The following INSM1 variants were observed in gnomAD, a reference collection of about 807,000 sequenced individuals.
INSM1 encodes the protein INSM transcriptional repressor 1.
In INSM1, 11 loss-of-function variants were observed where a neutral mutation model predicts 21.1. That is an observed-to-expected ratio of 0.52 (90% confidence interval 0.33 to 0.86). The LOEUF is 0.86. INSM1 is among the 40% of genes least tolerant of loss of function. The pLI, the probability that INSM1 is intolerant of heterozygous loss-of-function variation, is 0.03. For missense variants in INSM1, 843 were observed against 760.1 expected (o/e 1.11, Z -1.28); for synonymous variants, 473 against 386.1 (o/e 1.23, Z -2.64).
In INSM1 at chr20:20,369,648, C is replaced by T. The variant is rs1004580925; in HGVS notation, c.1381C>T (p.Arg461Cys). Reference sequence around the variant, plus strand: ...CAAGGGCGCTCAGGAGCGCCACCTGCGCCTGCTGCACGCCGCCCAGGTGTT... The same window carrying T: ...CAAGGGCGCTCAGGAGCGCCACCTGTGCCTGCTGCACGCCGCCCAGGTGTT... Reference protein sequence around the residue: ...ASKGAQERHLRLLHAAQVFPC... With the variant: ...ASKGAQERHLCLLHAAQVFPC... Residue 461 changes from arginine to cysteine, a missense_variant, in exon 1 of 1, where the codon CGC (arginine) becomes TGC (cysteine). Coordinates refer to ENST00000310227, the MANE Select transcript of INSM1 (RefSeq NM_002196.3). The surrounding 1 kb of genome is among the most constrained non-coding windows in gnomAD (Gnocchi z 5.6). 1.0e-5 allele frequency: 16 copies of T among 1,600,606 alleles called. No individual in the cohort carries two copies. Among genetic ancestry groups the T allele is most frequent in the Non-Finnish European group, 1.4e-5 (16 of 1,179,776 alleles).
Position 20,368,371 on chromosome 20 carries a change from G to T in INSM1, c.104G>T (p.Ser35Ile). The part of the protein sequence containing the change: ...DGDRALLLSP[S>I]CGGARAEPPA... ...GACCGCGCACTGCTGCTCTCGCCCA[G>T]CTGCGGGGGCGCCCGCGCCGAGCCC... is the stretch of plus-strand genomic sequence containing the variant. Residue 35 changes from serine (S) to isoleucine (I), a missense_variant, in exon 1 of 1, where the codon AGC (serine) becomes ATC (isoleucine). By Grantham distance (142) the Ser-to-Ile change is moderately radical. Transcript: ENST00000310227. This position sits in a 1 kb window ranked among gnomAD's most constrained non-coding sequence, Gnocchi z 4.3. The T allele has an allele frequency of 9.1e-7, 1 of 1,104,354 alleles. No homozygotes were observed. The highest frequency in any genetic ancestry group is 2.7e-5 in the South Asian group (1 of 37,640). The allele number at this position is 1,104,354 out of a possible 1,614,324, so 68.4% of individuals were successfully genotyped here.
Position 20,369,664 on chromosome 20 carries a change from C to T in INSM1, c.1397C>T (p.Ala466Val), listed in dbSNP as rs775159800. The change falls in exon 1 of 1, where the codon GCC (alanine) becomes GTC (valine). Residue 466 changes from alanine to valine, a missense_variant. By Grantham distance (64) the Ala-to-Val change is moderately conservative (BLOSUM62 0). Coordinates refer to ENST00000310227, the MANE Select transcript of INSM1 (RefSeq NM_002196.3). The surrounding 1 kb of genome is among the most constrained non-coding windows in gnomAD (Gnocchi z 5.6). ...CGCCACCTGCGCCTGCTGCACGCCG[C>T]CCAGGTGTTCCCCTGCAAGTACTGC... ...QERHLRLLHAAQVFPCKYCPA... is the reference protein window; with the variant it reads ...QERHLRLLHAVQVFPCKYCPA... 6.2e-7 allele frequency: 1 copy of T among 1,600,628 alleles called. No individual in the cohort carries two copies. Among genetic ancestry groups the T allele is most frequent in the East Asian group, 2.2e-5 (1 of 44,828 alleles).
rs765263425 is a variant in INSM1, at chr20:20,369,565, G to A, written c.1298G>A (p.Gly433Asp). Reference sequence around the variant, plus strand: ...GACGGCGAGGGGGCCGGCGTGCTGGGCCTGAGTGCGTCCGCCGAGTGCCAC... The same window carrying A: ...GACGGCGAGGGGGCCGGCGTGCTGGACCTGAGTGCGTCCGCCGAGTGCCAC... ...AGDGEGAGVLGLSASAECHLC... is the reference protein window; with the variant it reads ...AGDGEGAGVLDLSASAECHLC... The change falls in exon 1 of 1, where the codon GGC becomes GAC. Residue 433 changes from glycine (G) to aspartate (D), a missense_variant. Coordinates refer to ENST00000310227, the MANE Select transcript of INSM1 (RefSeq NM_002196.3). This position sits in a 1 kb window ranked among gnomAD's most constrained non-coding sequence, Gnocchi z 5.6. The A allele has an allele frequency of 1.0e-5, 16 of 1,594,628 alleles. No homozygotes were observed. The highest frequency in any genetic ancestry group is 1.4e-5 in the Non-Finnish European group (16 of 1,177,334).
Position 20,368,851 on chromosome 20 carries a change from TGCGGCCCCCGGGAAA to T in INSM1, c.595_609del (p.Gly199_Pro203del), listed in dbSNP as rs1051513228. On this transcript the variant is annotated inframe_deletion, in exon 1 of 1. Coordinates refer to ENST00000310227, the MANE Select transcript of INSM1 (RefSeq NM_002196.3). The surrounding 1 kb of genome is among the most constrained non-coding windows in gnomAD (Gnocchi z 4.3). ...CCCCCACTGCCCCCTGCCGCCGCCCTGCGGCCCCCGGGAAAGCGGCCCCCGCCCCCTACCGCCGCG... is the reference window on the plus strand; with the variant it reads ...CCCCCACTGCCCCCTGCCGCCGCCCTGCGGCCCCCGCCCCCTACCGCCGCG... The T allele has an allele frequency of 4.2e-5, 54 of 1,297,240 alleles. No homozygotes were observed. Among genetic ancestry groups the T allele is most frequent in the African/African-American group, 1.1e-4 (7 of 62,694 alleles). The allele number at this position is 1,297,240 out of a possible 1,614,324, so 80.4% of individuals were successfully genotyped here. A position where few individuals can be genotyped will look rare whatever the true frequency, so the allele number is the denominator to read the frequency against.
Position 20,368,398 on chromosome 20 carries a change from C to G in INSM1, c.131C>G (p.Pro44Arg), listed in dbSNP as rs1164336621. The change falls in exon 1 of 1, where the codon CCG becomes CGG. Residue 44 changes from proline to arginine, a missense_variant. Coordinates refer to ENST00000310227, the MANE Select transcript of INSM1 (RefSeq NM_002196.3). The surrounding 1 kb of genome is among the most constrained non-coding windows in gnomAD (Gnocchi z 4.3). Reference sequence around the variant, plus strand: ...TGCGGGGGCGCCCGCGCCGAGCCCCCGGCGCCGAGCCCGGTCCCCGGGCCG... The same window carrying G: ...TGCGGGGGCGCCCGCGCCGAGCCCCGGGCGCCGAGCCCGGTCCCCGGGCCG... ...PSCGGARAEP[P>R]APSPVPGPLP... 3.6e-5 allele frequency: 37 copies of G among 1,015,296 alleles called. No homozygotes were observed. The highest frequency in any genetic ancestry group is 4.1e-5 in the Non-Finnish European group (35 of 850,776). 62.9% of individuals were successfully genotyped at this position (1,015,296 alleles called of 1,614,324 possible).
In INSM1 at chr20:20,368,232, G is replaced by T. The variant is rs1455387586; in HGVS notation, c.-36G>T. On this transcript the variant is annotated 5_prime_UTR_variant, in exon 1 of 1. Coordinates refer to ENST00000310227, the MANE Select transcript of INSM1 (RefSeq NM_002196.3). This position sits in a 1 kb window ranked among gnomAD's most constrained non-coding sequence, Gnocchi z 4.3. The stretch of plus-strand genomic sequence containing the variant: ...CCGCCGGGGCCGAGCGCGGAGGGGG[G>T]ACCGAGCCAGTGCCGTGCCCTCGGG... 5 of 1,114,940 alleles carry T rather than the reference G, an allele frequency of 4.5e-6. No homozygotes were observed. The South Asian group carries it at 9.5e-5, about 21-fold the overall frequency. The allele number at this position is 1,114,940 out of a possible 1,614,324, so 69.1% of individuals were successfully genotyped here. A position where few individuals can be genotyped will look rare whatever the true frequency, so the allele number is the denominator to read the frequency against.
rs1366458687 is a variant in INSM1, at chr20:20,368,341, A to G, written c.74A>G (p.Asp25Gly). The G allele has an allele frequency of 3.9e-6, 5 of 1,268,068 alleles. No individual in the cohort carries two copies. In the South Asian group the frequency reaches 7.9e-5, roughly 20 times the overall value. 78.6% of individuals were successfully genotyped at this position (1,268,068 alleles called of 1,614,324 possible). The part of the protein sequence containing the change: ...PVSYRVRGGE[D>G]GDRALLLSPS... The stretch of plus-strand genomic sequence containing the variant: ...TCCTACCGGGTCCGCGGCGGCGAGG[A>G]CGGCGACCGCGCACTGCTGCTCTCG... The change falls in exon 1 of 1, where the codon GAC becomes GGC. Residue 25 changes from aspartate to glycine, a missense_variant. Asp to Gly is a moderately conservative substitution (Grantham distance 94). Coordinates refer to ENST00000310227, the MANE Select transcript of INSM1 (RefSeq NM_002196.3). The surrounding 1 kb of genome is among the most constrained non-coding windows in gnomAD (Gnocchi z 4.3).
At position 20,368,540 on chromosome 20, in the gene INSM1, C is replaced by G. The variant is rs774497518; in HGVS notation, c.273C>G (p.Pro91=). The change falls in exon 1 of 1, where the codon CCC becomes CCG. Residue 91 remains proline (P), a synonymous_variant. Coordinates refer to ENST00000310227, the MANE Select transcript of INSM1 (RefSeq NM_002196.3). This position sits in a 1 kb window ranked among gnomAD's most constrained non-coding sequence, Gnocchi z 4.3. ...QGPRAAHFGN[P]EAAHPAPLYS... ...CGCGGGCCGCGCACTTCGGCAACCC[C>G]GAGGCTGCGCACCCCGCGCCGCTCT... The G allele has an allele frequency of 3.7e-6, 5 of 1,363,878 alleles. No individual in the cohort carries two copies. In the South Asian group the frequency reaches 7.6e-5, roughly 21 times the overall value. The allele number at this position is 1,363,878 out of a possible 1,614,324, so 84.5% of individuals were successfully genotyped here.
chr20:20,368,684 A>AG lies in INSM1; in HGVS notation c.422dup (p.Gly142ArgfsTer197). ...TCCCCACGCCCGCCGCGCTGCTCGG[A>AG]GGGGGCGGCGGCGGCGGCGCGAGCG... On this transcript the variant is annotated frameshift_variant, in exon 1 of 1. Coordinates refer to ENST00000310227, the MANE Select transcript of INSM1 (RefSeq NM_002196.3). LOFTEE classifies it high-confidence loss of function. The surrounding 1 kb of genome is among the most constrained non-coding windows in gnomAD (Gnocchi z 4.3). 7.5e-7 allele frequency: 1 copy of AG among 1,340,522 alleles called. No homozygotes were observed. The highest frequency in any genetic ancestry group is 9.7e-7 in the Non-Finnish European group (1 of 1,030,388). 83.0% of individuals were successfully genotyped at this position (1,340,522 alleles called of 1,614,324 possible).
chr20:20,368,775 G>A lies in INSM1; in HGVS notation c.508G>A (p.Gly170Ser). 2 of 1,124,772 alleles carry A rather than the reference G, an allele frequency of 1.8e-6. No homozygotes were observed. Among genetic ancestry groups the A allele is most frequent in the Non-Finnish European group, 2.2e-6 (2 of 898,882 alleles). The allele number at this position is 1,124,772 out of a possible 1,614,324, so 69.7% of individuals were successfully genotyped here. The change falls in exon 1 of 1, where the codon GGC (glycine) becomes AGC (serine). Residue 170 changes from glycine (G) to serine (S), a missense_variant. Coordinates refer to ENST00000310227, the MANE Select transcript of INSM1 (RefSeq NM_002196.3). The surrounding 1 kb of genome is among the most constrained non-coding windows in gnomAD (Gnocchi z 4.3). Reference sequence around the variant, plus strand: ...CTTCGCGCCCGCCGAGCTCAAGATGGGCACGGCGTTCTCGGCTGGCGCCGA... The same window carrying A: ...CTTCGCGCCCGCCGAGCTCAAGATGAGCACGGCGTTCTCGGCTGGCGCCGA... ...LLFAPAELKM[G>S]TAFSAGAEAA...
In INSM1 at chr20:20,369,809, C is replaced by T; in HGVS notation, c.*9C>T. Reference sequence around the variant, plus strand: ...TGCGCCCGGCCTGCTAGAGCGCGCCCTCCACCCCGGCCCCCGAACTGTGCC... The same window carrying T: ...TGCGCCCGGCCTGCTAGAGCGCGCCTTCCACCCCGGCCCCCGAACTGTGCC... On this transcript the variant is annotated 3_prime_UTR_variant, in exon 1 of 1. Transcript: ENST00000310227. This position sits in a 1 kb window ranked among gnomAD's most constrained non-coding sequence, Gnocchi z 5.6. The T allele has an allele frequency of 2.5e-6, 4 of 1,578,630 alleles. No individual in the cohort carries two copies. Among genetic ancestry groups the T allele is most frequent in the Non-Finnish European group, 3.4e-6 (4 of 1,161,614 alleles).
In INSM1 at chr20:20,368,260, G is replaced by C. The variant is rs762328649; in HGVS notation, c.-8G>C. 3 of 1,244,196 alleles carry C rather than the reference G, an allele frequency of 2.4e-6. No homozygotes were observed. The highest frequency in any genetic ancestry group is 1.6e-5 in the African/African-American group (1 of 62,414). The allele number at this position is 1,244,196 out of a possible 1,614,324, so 77.1% of individuals were successfully genotyped here. A position where few individuals can be genotyped will look rare whatever the true frequency, so the allele number is the denominator to read the frequency against. On this transcript the variant is annotated 5_prime_UTR_variant, in exon 1 of 1. Transcript: ENST00000310227. The surrounding 1 kb of genome is among the most constrained non-coding windows in gnomAD (Gnocchi z 4.3). ...CGAGCCAGTGCCGTGCCCTCGGGCC[G>C]CGCCAACATGCCCCGCGGCTTCCTG...
chr20:20,368,687 G>GGGCGGC lies in INSM1; in HGVS notation c.431_436dup (p.Gly144_Gly145dup), dbSNP rs746414893. The GGGCGGC allele has an allele frequency of 2.3e-5, 30 of 1,310,554 alleles. No homozygotes were observed. The highest frequency in any genetic ancestry group is 2.1e-4 in the Middle Eastern group (1 of 4,840). 81.2% of individuals were successfully genotyped at this position (1,310,554 alleles called of 1,614,324 possible). ...CCACGCCCGCCGCGCTGCTCGGAGG[G>GGGCGGC]GGCGGCGGCGGCGGCGCGAGCGGAG... On this transcript the variant is annotated inframe_insertion, in exon 1 of 1. Coordinates refer to ENST00000310227, the MANE Select transcript of INSM1 (RefSeq NM_002196.3). The surrounding 1 kb of genome is among the most constrained non-coding windows in gnomAD (Gnocchi z 4.3).
chr20:20,368,425 T>TGCC lies in INSM1; in HGVS notation c.171_173dup (p.Pro58dup), dbSNP rs1333372238. ...GCGCCGAGCCCGGTCCCCGGGCCGC[T>TGCC]GCCGCCGCCGCCGCCCGCGGAGCGC... is the stretch of plus-strand genomic sequence containing the variant. On this transcript the variant is annotated inframe_insertion, in exon 1 of 1. Coordinates refer to ENST00000310227, the MANE Select transcript of INSM1 (RefSeq NM_002196.3). This position sits in a 1 kb window ranked among gnomAD's most constrained non-coding sequence, Gnocchi z 4.3. The TGCC allele has an allele frequency of 3.4e-4, 336 of 988,314 alleles. 3 individuals are homozygous for TGCC. The African/African-American group carries it at 4.7e-3, about 14-fold the overall frequency. 61.2% of individuals were successfully genotyped at this position (988,314 alleles called of 1,614,324 possible).
In INSM1 at chr20:20,369,504, G is replaced by A. The variant is rs778667570; in HGVS notation, c.1237G>A (p.Gly413Arg). Residue 413 changes from glycine to arginine, a missense_variant, in exon 1 of 1, where the codon GGG becomes AGG. Physicochemically the swap from Gly to Arg is moderately radical, Grantham distance 125. Coordinates refer to ENST00000310227, the MANE Select transcript of INSM1 (RefSeq NM_002196.3). This position sits in a 1 kb window ranked among gnomAD's most constrained non-coding sequence, Gnocchi z 5.6. ...PAEDLLALYP[G>R]PDEKAPQEAA... ...CGAGGACCTACTGGCCTTGTACCCC[G>A]GGCCCGACGAGAAGGCGCCCCAGGA... 2.6e-6 allele frequency: 4 copies of A among 1,545,068 alleles called. No individual in the cohort carries two copies. In the South Asian group the frequency reaches 4.7e-5, roughly 18 times the overall value.
chr20:20,368,850 C>T lies in INSM1; in HGVS notation c.583C>T (p.Leu195=), dbSNP rs1176577814. 1 of 1,323,724 alleles carries T rather than the reference C, an allele frequency of 7.6e-7. No homozygotes were observed. Among genetic ancestry groups the T allele is most frequent in the Admixed American group, 3.8e-5 (1 of 26,178 alleles). The allele number at this position is 1,323,724 out of a possible 1,614,324, so 82.0% of individuals were successfully genotyped here. ...PGPPLPPAAA[L]RPPGKRPPPP... ...CCCCCCACTGCCCCCTGCCGCCGCC[C>T]TGCGGCCCCCGGGAAAGCGGCCCCC... is the stretch of plus-strand genomic sequence containing the variant. Residue 195 remains leucine (L), a synonymous_variant, in exon 1 of 1, where the codon CTG becomes TTG. Transcript: ENST00000310227. This position sits in a 1 kb window ranked among gnomAD's most constrained non-coding sequence, Gnocchi z 4.3.
Position 20,369,529 on chromosome 20 carries a change from A to C in INSM1, c.1262A>C (p.Glu421Ala). The C allele has an allele frequency of 6.4e-7, 1 of 1,559,832 alleles. No individual in the cohort carries two copies. Among genetic ancestry groups the C allele is most frequent in the South Asian group, 1.2e-5 (1 of 86,152 alleles). Residue 421 changes from glutamate (E) to alanine (A), a missense_variant, in exon 1 of 1, where the codon GAG (glutamate) becomes GCG (alanine). Transcript: ENST00000310227. The surrounding 1 kb of genome is among the most constrained non-coding windows in gnomAD (Gnocchi z 5.6). Reference sequence around the variant, plus strand: ...GGGCCCGACGAGAAGGCGCCCCAGGAGGCGGCCGGCGACGGCGAGGGGGCC... The same window carrying C: ...GGGCCCGACGAGAAGGCGCCCCAGGCGGCGGCCGGCGACGGCGAGGGGGCC... ...YPGPDEKAPQ[E>A]AAGDGEGAGV... is the part of the protein sequence containing the mutation.
chr20:20,368,597 C>T lies in INSM1; in HGVS notation c.330C>T (p.His110=), dbSNP rs2059485366. ...YSPTRPVSRE[H]EKHKYFERSF... ...CCACGCGGCCCGTGAGCCGCGAGCA[C>T]GAGAAGCACAAGTACTTCGAACGCA... The change falls in exon 1 of 1, where the codon CAC becomes CAT. Residue 110 remains histidine, a synonymous_variant. Transcript: ENST00000310227. The surrounding 1 kb of genome is among the most constrained non-coding windows in gnomAD (Gnocchi z 4.3). 1.4e-6 allele frequency: 2 copies of T among 1,468,758 alleles called. No individual in the cohort carries two copies. The highest frequency in any genetic ancestry group is 2.5e-5 in the South Asian group (2 of 79,952). 91.0% of individuals were successfully genotyped at this position (1,468,758 alleles called of 1,614,324 possible). A position where few individuals can be genotyped will look rare whatever the true frequency, so the allele number is the denominator to read the frequency against.
rs981649540 is a variant in INSM1 at position 20,368,321 on chromosome 20, C to A, written c.54C>A (p.Tyr18Ter). The A allele has an allele frequency of 7.7e-7, 1 of 1,306,092 alleles. No homozygotes were observed. The highest frequency in any genetic ancestry group is 9.9e-7 in the Non-Finnish European group (1 of 1,010,654). 80.9% of individuals were successfully genotyped at this position (1,306,092 alleles called of 1,614,324 possible). A position where few individuals can be genotyped will look rare whatever the true frequency, so the allele number is the denominator to read the frequency against. Residue 18 changes from tyrosine (Y) to a stop codon, truncating the protein, a stop_gained, in exon 1 of 1, where the codon TAC (tyrosine) becomes TAA (stop). Coordinates refer to ENST00000310227, the MANE Select transcript of INSM1 (RefSeq NM_002196.3). LOFTEE classifies it low-confidence loss of function (END_TRUNC). This position sits in a 1 kb window ranked among gnomAD's most constrained non-coding sequence, Gnocchi z 4.3. ...KRSKKSTPVS[Y>*]RVRGGEDGDR... Reference sequence around the variant, plus strand: ...GCAAGAAGTCCACGCCCGTTTCCTACCGGGTCCGCGGCGGCGAGGACGGCG... The same window carrying A: ...GCAAGAAGTCCACGCCCGTTTCCTAACGGGTCCGCGGCGGCGAGGACGGCG...
Sources: gnomAD v4.1 joint callset for allele counts on GRCh38, gnomAD v4.1.1 for gene constraint, Gnocchi (gnomAD v3.1) non-coding constraint, MANE v1.5 for transcripts, NCBI Gene and HGNC (gene_info 2026-07-23, HGNC 2026-07-21) for gene names.